Variants in DDX60 observed in about 807,000 individuals in gnomAD.
The protein encoded by DDX60 is DExD/H-box helicase 60.
DDX60 carries 165 observed loss-of-function variants against 212.8 expected under a neutral mutation model. The observed-to-expected ratio is 0.78, with a 90% CI of 0.68 to 0.88. The LOEUF (loss-of-function observed/expected upper bound fraction) is 0.88. Ranked by LOEUF, DDX60 falls within the 40% of genes least tolerant of loss-of-function variation. DDX60 has a pLI of 0.00. For missense variants in DDX60, 1,905 were observed against 2,003.9 expected (o/e 0.95, Z 0.94); for synonymous variants, 703 against 685.3 (o/e 1.03, Z -0.40).
intron 6 of DDX60, among the ~76,000 whole-genome samples, chr4:168,297,047 AC>A (rs1460410912): frequency 7.3e-5 from 11 of 151,588 alleles, no homozygotes; most frequent in Non-Finnish European, 1.3e-4. Flanking sequence ...AGTAGCTGGG[AC>A]TACAGGCATG....
intron 31 of DDX60, 70 bp from the exon 32 acceptor site, chr4:168,237,497 G>C: frequency 7.1e-7 from 1 of 1,399,100 alleles, no homozygotes; most frequent in Non-Finnish European, 9.6e-7. Context: ...TTAAGTACCA[G>C]TTTAAAATAG....
In DDX60 at chr4:168,260,930, G is replaced by A. The variant is rs747782758; in HGVS notation, c.3333C>T (p.Ile1111=). 24 of 1,610,088 alleles carry A rather than the reference G, an allele frequency of 1.5e-5. No homozygotes were observed. The Middle Eastern group carries it at 4.9e-4, about 33-fold the overall frequency. The change falls in exon 25 of 38, where the codon ATC becomes ATT. Residue 1111 remains isoleucine, a synonymous_variant. Transcript: ENST00000393743. ...PEADLSPENM[I]TMFPLLVEKL... ...TTTCAACTAGAAGTGGAAACATGGT[G>A]ATCATGTTTTCTGGACTCAAATCTG...
At chr4:168,278,547 G>A (rs190529216) in intron 14 of DDX60, among the ~76,000 whole-genome samples, 14 of 152,294 alleles carry the variant, frequency 9.2e-5, no homozygotes, top group South Asian at 4.1e-4. Context: ...GAAGCGGGCC[G>A]GGCTCAGTGG....
At chr4:168,284,154 A>T (rs1306552379) in intron 12 of DDX60, among the ~76,000 whole-genome samples, 6 of 152,184 alleles carry the variant, frequency 3.9e-5, no homozygotes, top group Admixed American at 2.6e-4. Context: ...CTATGTCTGT[A>T]ACTACACATA....
chr4:168,249,389 C>T (rs889582465), intron 28 of DDX60, among the ~76,000 whole-genome samples: 5 of 152,014 alleles, frequency 3.3e-5, no homozygotes, highest in Non-Finnish European at 4.4e-5. Flanking sequence ...TTTAAGTATA[C>T]GGAGTGATTT....
intron 33 of DDX60, among the ~76,000 whole-genome samples, chr4:168,231,245 A>G (rs151261714): frequency 2.0e-5 from 3 of 152,150 alleles, no homozygotes; most frequent in Non-Finnish European, 2.9e-5. Flanking sequence ...GTCCAAAACT[A>G]TATGGATTCA....
intron 5 of DDX60, among the ~76,000 whole-genome samples, chr4:168,302,889 T>C (rs1185992921): frequency 1.3e-5 from 2 of 152,222 alleles, no homozygotes; most frequent in Admixed American, 6.5e-5. Flanking sequence ...ATTTTAAATA[T>C]GCATTGTATT....
intron 32 of DDX60, 99 bp from the exon 33 acceptor site, chr4:168,236,472 CT>C: frequency 9.0e-7 from 1 of 1,105,518 alleles, no homozygotes; most frequent in Non-Finnish European, 1.3e-6. Context: ...TTCATGGAAA[CT>C]AAAAATTTAT....
chr4:168,228,375 A>G (rs906593520), intron 33 of DDX60, among the ~76,000 whole-genome samples: 1 of 152,042 alleles, frequency 6.6e-6, no homozygotes, highest in South Asian at 2.1e-4. Flanking sequence ...GTACATTTAC[A>G]TTTAATATAA....
At chr4:168,232,691 C>T (rs1436098011) in intron 33 of DDX60, among the ~76,000 whole-genome samples, 4 of 152,058 alleles carry the variant, frequency 2.6e-5, no homozygotes, top group Non-Finnish European at 5.9e-5. Context: ...TTATCTCTCA[C>T]CTTATACAAA....
intron 27 of DDX60, among the ~76,000 whole-genome samples, chr4:168,252,012 T>C (rs1734238432): frequency 6.6e-6 from 1 of 152,246 alleles, no homozygotes; most frequent in African/African-American, 2.4e-5. Context: ...CCAATGCCTC[T>C]TTGGTGTTTT....
chr4:168,219,278 G>A (rs971656028), intron 37 of DDX60, among the ~76,000 whole-genome samples: 3 of 150,746 alleles, frequency 2.0e-5, no homozygotes, highest in Admixed American at 6.6e-5. Context: ...GTGACAGAGC[G>A]TGACTCTCCG....
chr4:168,306,544 G>C lies in DDX60; in HGVS notation c.441C>G (p.Asp147Glu), dbSNP rs2684369. Residue 147 changes from aspartate to glutamate, a missense_variant, in exon 5 of 38, where the codon GAC (aspartate) becomes GAG (glutamate). Asp to Glu is a conservative substitution (Grantham distance 45, BLOSUM62 2). Transcript: ENST00000393743. ...ESYPYFLIVA[D>E]EGLNDLQTQL... ...GTGTTTGTAGATCGTTCAGGCCTTC[G>C]TCTGCAACTATCAGGAAATATGGGT... 3.1e-6 allele frequency: 5 copies of C among 1,613,992 alleles called. No homozygotes were observed. The highest frequency in any genetic ancestry group is 1.3e-5 in the African/African-American group (1 of 74,908).
chr4:168,251,632 C>G (rs904370337), intron 27 of DDX60, among the ~76,000 whole-genome samples: 8 of 152,052 alleles, frequency 5.3e-5, no homozygotes, highest in Non-Finnish European at 1.0e-4. Flanking sequence ...GACAAAAAAA[C>G]GCTTCCAAAA....
chr4:168,244,064 T>C (rs898208891), intron 30 of DDX60, among the ~76,000 whole-genome samples: 1 of 152,076 alleles, frequency 6.6e-6, no homozygotes, highest in Non-Finnish European at 1.5e-5. Context: ...TGAGAACACA[T>C]GGACCCAGGG....
intron 1 of DDX60, among the ~76,000 whole-genome samples, chr4:168,312,132 A>G (rs572067): frequency 0.35 from 53,323 of 151,908 alleles, 10,866 homozygotes; most frequent in African/African-American, 0.57. Context: ...CTGGATGTGG[A>G]TGGACAAGAG....
chr4:168,288,746 G>C (rs1579055668), intron 8 of DDX60, among the ~76,000 whole-genome samples: 1 of 152,176 alleles, frequency 6.6e-6, no homozygotes, highest in Admixed American at 6.5e-5. Flanking sequence ...CCTAGAAGAT[G>C]CTGAATCCTT....
chr4:168,229,221 C>T (rs1733362395), intron 33 of DDX60, among the ~76,000 whole-genome samples: 1 of 152,082 alleles, frequency 6.6e-6, no homozygotes, highest in Non-Finnish European at 1.5e-5. Flanking sequence ...GAACATCCAC[C>T]CCTTAACACA....
chr4:168,320,266 C>T (rs1355849188), upstream of DDX60, among the ~76,000 whole-genome samples: 2 of 152,112 alleles, frequency 1.3e-5, no homozygotes, highest in Admixed American at 6.5e-5. Context: ...ACCCCTTACC[C>T]GGGATTATCC....
Sources: allele counts gnomAD v4.1 joint callset (sites outside exome capture counted in the v4.1 genomes callset), GRCh38; gene constraint gnomAD v4.1.1; transcripts MANE v1.5; gene names NCBI Gene and HGNC (gene_info 2026-07-23, HGNC 2026-07-21).